Variants in ROBO2 observed in about 807,000 individuals in gnomAD.
The protein encoded by ROBO2 is roundabout guidance receptor 2, also known as roundabout homolog 2.
ROBO2 carries 53 observed loss-of-function variants against 160.8 expected under a neutral mutation model. That is an observed-to-expected ratio of 0.33 (90% confidence interval 0.26 to 0.41). The LOEUF (loss-of-function observed/expected upper bound fraction) is 0.41. ROBO2 is among the 10% of genes least tolerant of loss of function. ROBO2 has a pLI of 1.00. For synonymous variants in ROBO2, 664 were observed against 611.7 expected (o/e 1.09, Z -1.26); for missense variants, 1,577 against 1,722.4 (o/e 0.92, Z 1.49).
At chr3:76,322,539 C>T (rs1409345881) in intron 2 of ROBO2, among the ~76,000 whole-genome samples, 1 of 151,938 alleles carries the variant, frequency 6.6e-6, no homozygotes, top group Non-Finnish European at 1.5e-5. Context: ...TTTTATTCAT[C>T]TGTTTGAAGA....
At chr3:77,446,512 T>G (rs556475459) in intron 2 of ROBO2, among the ~76,000 whole-genome samples, 27 of 152,272 alleles carry the variant, frequency 1.8e-4, no homozygotes, top group African/African-American at 6.0e-4. Context: ...ATATCCATAT[T>G]GTTTTCATCA....
At chr3:76,361,282 A>G (rs933560761) in intron 2 of ROBO2, among the ~76,000 whole-genome samples, 20 of 151,922 alleles carry the variant, frequency 1.3e-4, no homozygotes, top group African/African-American at 4.8e-4. Flanking sequence ...TTTGTGGAGG[A>G]CTCTTAGATG....
intron 2 of ROBO2, among the ~76,000 whole-genome samples, chr3:76,799,239 A>G (rs2064013387): frequency 6.6e-6 from 1 of 151,850 alleles, no homozygotes; most frequent in Non-Finnish European, 1.5e-5. Context: ...AAAACAAAAA[A>G]AAAACGTATA....
chr3:77,091,320 T>G (rs2070222052), intron 1 of ROBO2, among the ~76,000 whole-genome samples: 1 of 152,138 alleles, frequency 6.6e-6, no homozygotes, highest in Admixed American at 6.5e-5. Flanking sequence ...TGCGAATGAG[T>G]GGTTACTGAC....
chr3:76,148,527 C>T (rs138031323), intron 2 of ROBO2, among the ~76,000 whole-genome samples: 3 of 152,112 alleles, frequency 2.0e-5, no homozygotes, highest in Admixed American at 6.6e-5. Flanking sequence ...CAAAATTTAT[C>T]CCAAAAAAAT....
At chr3:76,355,482 C>T (rs1052423472) in intron 2 of ROBO2, among the ~76,000 whole-genome samples, 2 of 151,694 alleles carry the variant, frequency 1.3e-5, no homozygotes, top group African/African-American at 4.8e-5. Flanking sequence ...TTGTGAATAT[C>T]AGGATGAGAA....
intron 6 of ROBO2, among the ~76,000 whole-genome samples, chr3:77,539,367 G>A (rs2092346923): frequency 1.3e-5 from 2 of 152,096 alleles, no homozygotes. Flanking sequence ...ACAAAAGGGC[G>A]TATCAGAATC....
intron 2 of ROBO2, among the ~76,000 whole-genome samples, chr3:76,917,327 T>C (rs1166443070): frequency 6.6e-6 from 1 of 152,194 alleles, no homozygotes; most frequent in Non-Finnish European, 1.5e-5. Flanking sequence ...CCAAGGCAAC[T>C]CTTACCTTGA....
intron 2 of ROBO2, among the ~76,000 whole-genome samples, chr3:75,977,258 C>G (rs1245605703): frequency 1.3e-5 from 2 of 151,338 alleles, no homozygotes; most frequent in African/African-American, 2.4e-5. Context: ...GACTAGAGCA[C>G]AGATCAGAAG....
At chr3:77,020,480 T>A (rs2062560248) in intron 2 of ROBO2, among the ~76,000 whole-genome samples, 1 of 152,152 alleles carries the variant, frequency 6.6e-6, no homozygotes, top group African/African-American at 2.4e-5. Flanking sequence ...TAAATACTAA[T>A]GAAGCCATAA....
chr3:76,297,510 A>G (rs904819933), intron 2 of ROBO2, among the ~76,000 whole-genome samples: 2 of 152,158 alleles, frequency 1.3e-5, no homozygotes, highest in Admixed American at 1.3e-4. Context: ...TCTCATGCCT[A>G]AAACCATACC....
At chr3:76,584,075 C>A (rs2085874810) in intron 2 of ROBO2, among the ~76,000 whole-genome samples, 1 of 152,116 alleles carries the variant, frequency 6.6e-6, no homozygotes, top group Non-Finnish European at 1.5e-5. Context: ...CCTTTTGATG[C>A]ACCTGTTTAC....
intron 2 of ROBO2, among the ~76,000 whole-genome samples, chr3:76,798,943 C>T (rs1158849760): frequency 1.3e-5 from 2 of 151,200 alleles, no homozygotes; most frequent in Non-Finnish European, 2.9e-5. Context: ...AGGAACATAT[C>T]TCAACAAAAT....
chr3:76,456,358 A>C (rs1374774401), intron 2 of ROBO2, among the ~76,000 whole-genome samples: 1 of 152,222 alleles, frequency 6.6e-6, no homozygotes, highest in Non-Finnish European at 1.5e-5. Context: ...TTATATCATC[A>C]ATCATAGTTC....
intron 2 of ROBO2, among the ~76,000 whole-genome samples, chr3:76,320,319 T>G (rs556205509): frequency 7.9e-5 from 12 of 152,246 alleles, no homozygotes; most frequent in African/African-American, 2.9e-4. Context: ...ATATTATTAT[T>G]CAGAAAAATT....
chr3:77,059,815 A>G (rs1189665262), intron 1 of ROBO2, among the ~76,000 whole-genome samples: 3 of 152,124 alleles, frequency 2.0e-5, no homozygotes, highest in Non-Finnish European at 4.4e-5. Flanking sequence ...CATCAGGCTC[A>G]TTGAAGAAAG....
intron 2 of ROBO2, among the ~76,000 whole-genome samples, chr3:76,586,929 G>A (rs1407597588): frequency 1.3e-4 from 20 of 152,194 alleles, no homozygotes; most frequent in Admixed American, 1.3e-3. Context: ...GATGGTCAGG[G>A]AACATGAAAA....
intron 2 of ROBO2, among the ~76,000 whole-genome samples, chr3:77,243,521 T>C (rs940640958): frequency 6.6e-6 from 1 of 152,154 alleles, no homozygotes; most frequent in Admixed American, 6.5e-5. Flanking sequence ...GAAAATCATC[T>C]GGGTAAAATA....
At chr3:76,662,648 T>G (rs1000290249) in intron 2 of ROBO2, among the ~76,000 whole-genome samples, 1 of 152,134 alleles carries the variant, frequency 6.6e-6, no homozygotes, top group African/African-American at 2.4e-5. Context: ...TCAGTGAATG[T>G]AATATCTCAT....
Sources: gnomAD v4.1 joint callset for allele counts (sites outside exome capture counted in the v4.1 genomes callset) on GRCh38, gnomAD v4.1.1 for gene constraint, MANE v1.5 for transcripts, NCBI Gene and HGNC (gene_info 2026-07-23, HGNC 2026-07-21) for gene names.